PAFAH1B2: variants seen among roughly 807,000 people sequenced by gnomAD.
The protein encoded by PAFAH1B2 is platelet activating factor acetylhydrolase 1b catalytic subunit 2.
Under a neutral mutation model 28.0 loss-of-function variants are expected in PAFAH1B2, and 8 were observed. The observed-to-expected ratio is 0.29, with a 90% CI of 0.17 to 0.52. The LOEUF (loss-of-function observed/expected upper bound fraction) is 0.52. PAFAH1B2 is among the 20% of genes least tolerant of loss of function. The pLI is 0.97. For synonymous variants in PAFAH1B2, 104 were observed against 103.2 expected, an observed-to-expected ratio of 1.01 and a Z score of -0.05; for missense variants, 190 against 282.6, an observed-to-expected ratio of 0.67 and a Z score of 2.35.
At position 117,149,569 on chromosome 11, in the gene PAFAH1B2, G is replaced by C. The variant is rs1239922477; in HGVS notation, c.-7-2872G>C. Among the ~76,000 whole-genome samples, 7 of 150,898 alleles carry C rather than the reference G, an allele frequency of 4.6e-5. No individual in the cohort carries two copies. In the Admixed American group the frequency reaches 4.7e-4, roughly 10 times the overall value. ...AGCCTCCCAAGTAGCTGGGACTACA[G>C]GTGCCCGCCACCACGCCCAGCTAAT... On this transcript the variant is annotated intron_variant, in intron 1 of 5. Transcript: ENST00000527958.
In PAFAH1B2 at chr11:117,159,938, A is replaced by G. The variant is rs2134196135; in HGVS notation, c.86A>G (p.Asn29Ser). The G allele has an allele frequency of 1.9e-6, 3 of 1,612,966 alleles. No homozygotes were observed. The highest frequency in any genetic ancestry group is 1.7e-4 in the Middle Eastern group (1 of 6,060). The change falls in exon 3 of 6, where the codon AAC becomes AGC. Residue 29 changes from asparagine to serine, a missense_variant. Asn to Ser is a conservative substitution (Grantham distance 46, BLOSUM62 1). Coordinates refer to ENST00000527958, the MANE Select transcript of PAFAH1B2 (RefSeq NM_002572.4). ...QGDDRWMSQH[N>S]RFVLDCKDKE... is the part of the protein sequence containing the mutation. ...TTTTTTTCTTCTTCAAACCAGCACA[A>G]CAGATTTGTTTTGGACTGTAAAGAC...
At chr11:117,176,198 G>T in exon 6 of PAFAH1B2, 1 of 489,362 alleles carries the variant, frequency 2.0e-6, no homozygotes, top group Non-Finnish European at 3.6e-6. Flanking sequence ...AACCCATAAG[G>T]TTATCTTCCA....
intron 1 of PAFAH1B2, among the ~76,000 whole-genome samples, chr11:117,147,283 C>T (rs933487745): frequency 5.3e-5 from 8 of 152,064 alleles, no homozygotes; most frequent in African/African-American, 1.9e-4. Flanking sequence ...AAAGAAAAGC[C>T]AGTTTAATTT....
In PAFAH1B2 at chr11:117,171,044, A is replaced by C; in HGVS notation, c.*3345A>C. ...CAATATAAATGTAAACATTTTGCTCAATTTGCTGGTGTCTTTCTGTCTCCT... is the reference window on the plus strand; with the variant it reads ...CAATATAAATGTAAACATTTTGCTCCATTTGCTGGTGTCTTTCTGTCTCCT... On this transcript the variant is annotated 3_prime_UTR_variant, in exon 6 of 6. Coordinates refer to ENST00000527958, the MANE Select transcript of PAFAH1B2 (RefSeq NM_002572.4). The C allele has an allele frequency of 9.7e-7, 1 of 1,029,450 alleles. No individual in the cohort carries two copies. Among genetic ancestry groups the C allele is most frequent in the East Asian group, 6.2e-5 (1 of 16,214 alleles). 63.8% of individuals were successfully genotyped at this position (1,029,450 alleles called of 1,614,324 possible).
chr11:117,161,945 GT>G (rs1412713955), intron 4 of PAFAH1B2, among the ~76,000 whole-genome samples: 1 of 152,108 alleles, frequency 6.6e-6, no homozygotes, highest in African/African-American at 2.4e-5. Context: ...TTTTGGATCT[GT>G]TTAACCATAT....
chr11:117,172,861 G>A (rs551014503), downstream of PAFAH1B2, among the ~76,000 whole-genome samples: 4 of 152,226 alleles, frequency 2.6e-5, no homozygotes, highest in South Asian at 2.1e-4. Context: ...GTACCACCAC[G>A]CCTGGCTAGT....
chr11:117,172,914 G>T (rs1453724252), downstream of PAFAH1B2, among the ~76,000 whole-genome samples: 1 of 152,148 alleles, frequency 6.6e-6, no homozygotes, highest in African/African-American at 2.4e-5. Context: ...TGTTTACCAG[G>T]CTGGTCTCGA....
chr11:117,168,485 AT>A lies in PAFAH1B2; in HGVS notation c.*788del, dbSNP rs1363887418. On this transcript the variant is annotated 3_prime_UTR_variant, in exon 6 of 6. Transcript: ENST00000527958. ...TTTTTTTTTTTTGGTTCTTGTTGAC[AT>A]TACAAGCTTTTAACACATTTTTGAC... The A allele has an allele frequency of 3.3e-6, 1 of 298,996 alleles. No homozygotes were observed. The allele number at this position is 298,996 out of a possible 1,614,324, so 18.5% of individuals were successfully genotyped here.
intron 4 of PAFAH1B2, 129 bp downstream of exon 4, chr11:117,161,390 G>T: frequency 1.8e-6 from 1 of 566,080 alleles, no homozygotes; most frequent in Non-Finnish European, 3.1e-6. Context: ...GCCTCTTTAA[G>T]GTAAATGATA....
At chr11:117,160,287 T>C (rs535216186) in intron 3 of PAFAH1B2, among the ~76,000 whole-genome samples, 1 of 152,328 alleles carries the variant, frequency 6.6e-6, no homozygotes, top group South Asian at 2.1e-4. Flanking sequence ...TTGTTTATAT[T>C]TGCTCTACTC....
rs144174055 is a variant in PAFAH1B2 at position 117,165,494 on chromosome 11, A to G, written c.411+1602A>G. On this transcript the variant is annotated intron_variant, in intron 5 of 5. Coordinates refer to ENST00000527958, the MANE Select transcript of PAFAH1B2 (RefSeq NM_002572.4). The stretch of plus-strand genomic sequence containing the variant: ...TCAAAAAACCTGAGGATCACTGTGT[A>G]CAAGGCACTATCCTAGTTCTTGAGC... Among the ~76,000 whole-genome samples the G allele has an allele frequency of 3.0e-3, 457 of 152,338 alleles. 2 individuals carry two copies. The highest frequency in any genetic ancestry group is 5.4e-3 in the Non-Finnish European group (366 of 68,026).
At chr11:117,144,520 C>T (rs980975466) in intron 1 of PAFAH1B2, 102 bp downstream of exon 1, 33 of 176,732 alleles carry the variant, frequency 1.9e-4, no homozygotes, top group African/African-American at 7.6e-4. Flanking sequence ...CCCTCCCCCA[C>T]CCTTGCGGCC....
At position 117,168,779 on chromosome 11, in the gene PAFAH1B2, T is replaced by C. The variant is rs11540098; in HGVS notation, c.*1080T>C. The C allele has an allele frequency of 3.5e-3, 3,505 of 995,384 alleles. 74 individuals carry two copies. In the African/African-American group the frequency reaches 0.045, roughly 13 times the overall value. 61.7% of individuals were successfully genotyped at this position (995,384 alleles called of 1,614,324 possible). A position where few individuals can be genotyped will look rare whatever the true frequency, so the allele number is the denominator to read the frequency against. ...TAAGGTGTATATTTTATTTTTTTTA[T>C]TGGCTTAGTTGTTTTTTGTTTTGTT... On this transcript the variant is annotated 3_prime_UTR_variant, in exon 6 of 6. Coordinates refer to ENST00000527958, the MANE Select transcript of PAFAH1B2 (RefSeq NM_002572.4).
intron 1 of PAFAH1B2, among the ~76,000 whole-genome samples, chr11:117,152,024 C>CT (rs1188598270): frequency 6.6e-6 from 1 of 152,118 alleles, no homozygotes; most frequent in Non-Finnish European, 1.5e-5. Flanking sequence ...TTCTGTAACT[C>CT]TTAACAGTAG....
At chr11:117,172,220 A>G (rs568783239), downstream of PAFAH1B2, among the ~76,000 whole-genome samples, 2 of 152,094 alleles carry the variant, frequency 1.3e-5, no homozygotes, top group East Asian at 3.9e-4. Flanking sequence ...GCAGAGATGA[A>G]ATCTTAACCC....
intron 2 of PAFAH1B2, among the ~76,000 whole-genome samples, chr11:117,155,642 A>G (rs998428057): frequency 3.3e-5 from 5 of 152,182 alleles, no homozygotes; most frequent in Admixed American, 2.6e-4. Context: ...TCCAAAATCC[A>G]TAAAAATACT....
chr11:117,152,645 A>C, intron 2 of PAFAH1B2, 117 bp downstream of exon 2: 1 of 721,406 alleles, frequency 1.4e-6, no homozygotes, highest in Non-Finnish European at 2.5e-6. Context: ...CTCAAACTGC[A>C]GGGCTCAAGT....
intron 2 of PAFAH1B2, chr11:117,159,471 A>C (rs75115775): frequency 0.024 from 3,669 of 152,694 alleles, 76 homozygotes; most frequent in South Asian, 0.097. Context: ...TGTGGCTCAC[A>C]CCTGTAATCC....
chr11:117,149,831 TG>T (rs1156844338), intron 1 of PAFAH1B2, among the ~76,000 whole-genome samples: 1 of 152,044 alleles, frequency 6.6e-6, no homozygotes, highest in Non-Finnish European at 1.5e-5. Flanking sequence ...GTGTAGGTAG[TG>T]GGGTGCATTT....
Sources: allele counts gnomAD v4.1 joint callset (sites outside exome capture counted in the v4.1 genomes callset), GRCh38; gene constraint gnomAD v4.1.1; transcripts MANE v1.5; gene names NCBI Gene and HGNC (gene_info 2026-07-23, HGNC 2026-07-21).